The following FPR1 variants were observed in gnomAD, a reference collection of about 807,000 sequenced individuals.
FPR1 encodes formyl peptide receptor 1.
For missense variants in FPR1, 407 were observed against 453.0 expected, an observed-to-expected ratio of 0.90 and a Z score of 0.92; for synonymous variants, 193 against 176.7, an observed-to-expected ratio of 1.09 and a Z score of -0.73.
At chr19:51,747,977 C>CAAA (rs768468376) in intron 1 of FPR1, among the ~76,000 whole-genome samples, 1 of 150,328 alleles carries the variant, frequency 6.7e-6, no homozygotes, top group African/African-American at 2.4e-5. Flanking sequence ...TCATCTCTAA[C>CAAA]AACAACAACA....
rs78488639 is a variant in FPR1 at position 51,746,706 on chromosome 19, G to A, written c.289C>T (p.Leu97=). 13 of 1,614,134 alleles carry A rather than the reference G, an allele frequency of 8.1e-6. No homozygotes were observed. The highest frequency in any genetic ancestry group is 3.3e-5 in the South Asian group (3 of 91,082). Residue 97 remains leucine, a synonymous_variant, in exon 2 of 2, where the codon CTG becomes TTG. Transcript: ENST00000304748. The surrounding 1 kb of genome is among the most constrained non-coding windows in gnomAD (Gnocchi z 4.3). ...MGGHWPFGWF[L]CKFVFTIVDI... is the part of the protein sequence containing the mutation. ...ACTATGGTAAAGACGAATTTGCACA[G>A]GAACCAGCCGAAAGGCCAATGTCCT...
intron 1 of FPR1, among the ~76,000 whole-genome samples, chr19:51,749,060 CA>C: frequency 6.6e-6 from 1 of 151,970 alleles, no homozygotes; most frequent in East Asian, 1.9e-4. Context: ...ACTAAAAATA[CA>C]AAAATTAGCC....
chr19:51,746,362 G>C lies in FPR1; in HGVS notation c.633C>G (p.Ser211Arg), dbSNP rs750529946. 6.2e-7 allele frequency: 1 copy of C among 1,614,162 alleles called. No individual in the cohort carries two copies. The change falls in exon 2 of 2, where the codon AGC becomes AGG. Residue 211 changes from serine to arginine, a missense_variant. Transcript: ENST00000304748. This position sits in a 1 kb window ranked among gnomAD's most constrained non-coding sequence, Gnocchi z 4.3. Reference sequence around the variant, plus strand: ...TGACAGCAACGATGGACATGGGTGCGCTGAAGCCAATGATGAACCGGATGA... The same window carrying C: ...TGACAGCAACGATGGACATGGGTGCCCTGAAGCCAATGATGAACCGGATGA... The part of the protein sequence containing the change: ...RGIIRFIIGF[S>R]APMSIVAVSY...
Position 51,745,999 on chromosome 19 carries a change from A to T in FPR1, c.996T>A (p.Ser332Arg). The T allele has an allele frequency of 1.2e-6, 2 of 1,614,046 alleles. No homozygotes were observed. Among genetic ancestry groups the T allele is most frequent in the Non-Finnish European group, 1.7e-6 (2 of 1,179,972 alleles). The change falls in exon 2 of 2, where the codon AGT becomes AGA. Residue 332 changes from serine (S) to arginine (R), a missense_variant. Physicochemically the swap from Ser to Arg is moderately radical, Grantham distance 110 (BLOSUM62 -1). Transcript: ENST00000304748. Reference sequence around the variant, plus strand: ...GTAAAGTAGAATTGGTAGCTGTGTCACTGGTTTGGGTTGAGTCCTCGGTCA... The same window carrying T: ...GTAAAGTAGAATTGGTAGCTGTGTCTCTGGTTTGGGTTGAGTCCTCGGTCA... Reference protein sequence around the residue: ...RALTEDSTQTSDTATNSTLPS... With the variant: ...RALTEDSTQTRDTATNSTLPS...
At chr19:51,748,144 AC>A (rs2083759745) in intron 1 of FPR1, among the ~76,000 whole-genome samples, 1 of 152,048 alleles carries the variant, frequency 6.6e-6, no homozygotes, top group South Asian at 2.1e-4. Flanking sequence ...ACAAAGCAAG[AC>A]CCTGTCTCTA....
chr19:51,748,690 A>T (rs1568638260), intron 1 of FPR1, among the ~76,000 whole-genome samples: 1 of 152,040 alleles, frequency 6.6e-6, no homozygotes, highest in Admixed American at 6.6e-5. Context: ...AAACTCCTTG[A>T]CCTCAGGTGA....
intron 1 of FPR1, chr19:51,750,107 C>A (rs1342053989): frequency 6.6e-6 from 1 of 152,186 alleles, no homozygotes; most frequent in African/African-American, 2.4e-5. Flanking sequence ...AGTCACCCAA[C>A]AGCCCAGGCT....
At position 51,746,113 on chromosome 19, in the gene FPR1, G is replaced by A; in HGVS notation, c.882C>T (p.Ser294=). 2 of 1,614,190 alleles carry A rather than the reference G, an allele frequency of 1.2e-6. No homozygotes were observed. The highest frequency in any genetic ancestry group is 1.7e-6 in the Non-Finnish European group (2 of 1,180,042). Residue 294 remains serine, a synonymous_variant, in exon 2 of 2, where the codon AGC becomes AGT. Coordinates refer to ENST00000304748, the MANE Select transcript of FPR1 (RefSeq NM_002029.4). The surrounding 1 kb of genome is among the most constrained non-coding windows in gnomAD (Gnocchi z 4.3). Reference sequence around the variant, plus strand: ...AGACATAGAGCATGGGGTTGAGGCAGCTGTTGAAGAAGGCCAGGGCACTTG... The same window carrying A: ...AGACATAGAGCATGGGGTTGAGGCAACTGTTGAAGAAGGCCAGGGCACTTG... ...DVTSALAFFN[S]CLNPMLYVFM...
chr19:51,747,388 T>C (rs1483890230), intron 1 of FPR1, among the ~76,000 whole-genome samples: 1 of 152,048 alleles, frequency 6.6e-6, no homozygotes, highest in Non-Finnish European at 1.5e-5. Flanking sequence ...TGGCTAATTT[T>C]CGTATATTTA....
intron 1 of FPR1, among the ~76,000 whole-genome samples, chr19:51,748,872 C>A (rs563881463): frequency 9.2e-5 from 14 of 152,248 alleles, no homozygotes; most frequent in Middle Eastern, 3.4e-3. Flanking sequence ...GTCACACAAA[C>A]GTGGACTAAG....
Position 51,746,342 on chromosome 19 carries a change from G to A in FPR1, c.653C>T (p.Ala218Val). ...GGTGGCAATAAGCCCATAACTGACA[G>A]CAACGATGGACATGGGTGCGCTGAA... ...IGFSAPMSIV[A>V]VSYGLIATKI... The change falls in exon 2 of 2, where the codon GCT becomes GTT. Residue 218 changes from alanine (A) to valine (V), a missense_variant. Coordinates refer to ENST00000304748, the MANE Select transcript of FPR1 (RefSeq NM_002029.4). This position sits in a 1 kb window ranked among gnomAD's most constrained non-coding sequence, Gnocchi z 4.3. The A allele has an allele frequency of 6.2e-7, 1 of 1,614,162 alleles. No homozygotes were observed. The highest frequency in any genetic ancestry group is 1.3e-5 in the African/African-American group (1 of 75,010).
At chr19:51,748,897 A>G (rs567789261) in intron 1 of FPR1, among the ~76,000 whole-genome samples, 54 of 152,176 alleles carry the variant, frequency 3.5e-4, no homozygotes, top group Non-Finnish European at 6.5e-4. Flanking sequence ...TCTCTCACCC[A>G]TAACACTGCA....
chr19:51,745,602 A>G (rs1408594175), downstream of FPR1: 4 of 242,728 alleles, frequency 1.6e-5, no homozygotes, highest in Admixed American at 2.0e-4. Context: ...ACTACTCATC[A>G]TGATGCCAGA....
Position 51,746,050 on chromosome 19 carries a change from G to A in FPR1, c.945C>T (p.Ala315=). Reference sequence around the variant, plus strand: ...GGGCCCTCTCCAGACTGGCGGGAAGGGCGTGGATCAGCCTCTCCCGGAAGT... The same window carrying A: ...GGGCCCTCTCCAGACTGGCGGGAAGAGCGTGGATCAGCCTCTCCCGGAAGT... ...GQDFRERLIH[A]LPASLERALT... The change falls in exon 2 of 2, where the codon GCC becomes GCT. Residue 315 remains alanine, a synonymous_variant. Transcript: ENST00000304748. The surrounding 1 kb of genome is among the most constrained non-coding windows in gnomAD (Gnocchi z 4.3). 7.4e-6 allele frequency: 12 copies of A among 1,614,106 alleles called. No individual in the cohort carries two copies. Among genetic ancestry groups the A allele is most frequent in the Non-Finnish European group, 1.0e-5 (12 of 1,180,022 alleles).
chr19:51,748,234 G>A (rs955638086), intron 1 of FPR1, among the ~76,000 whole-genome samples: 1 of 152,196 alleles, frequency 6.6e-6, no homozygotes, highest in African/African-American at 2.4e-5. Flanking sequence ...GTCACATTTT[G>A]TATGATTCCA....
In FPR1 at chr19:51,746,338, G is replaced by T; in HGVS notation, c.657C>A (p.Val219=). The change falls in exon 2 of 2, where the codon GTC becomes GTA. Residue 219 remains valine (V), a synonymous_variant. Transcript: ENST00000304748. This position sits in a 1 kb window ranked among gnomAD's most constrained non-coding sequence, Gnocchi z 4.3. ...TCTTGGTGGCAATAAGCCCATAACTGACAGCAACGATGGACATGGGTGCGC... is the reference window on the plus strand; with the variant it reads ...TCTTGGTGGCAATAAGCCCATAACTTACAGCAACGATGGACATGGGTGCGC... ...GFSAPMSIVA[V]SYGLIATKIH... 1.2e-6 allele frequency: 2 copies of T among 1,612,474 alleles called. No homozygotes were observed. Among genetic ancestry groups the T allele is most frequent in the South Asian group, 1.1e-5 (1 of 90,994 alleles).
Position 51,746,816 on chromosome 19 carries a change from G to A in FPR1, c.179C>T (p.Thr60Ile). 6.2e-7 allele frequency: 1 copy of A among 1,614,158 alleles called. No individual in the cohort carries two copies. Among genetic ancestry groups the A allele is most frequent in the Non-Finnish European group, 8.5e-7 (1 of 1,180,024 alleles). ...GGCCAGGTTCAGGTAACTGATGGTG[G>A]TGACTGTGTGTGTCATCCGGAATCC... is the stretch of plus-strand genomic sequence containing the variant. ...VAGFRMTHTV[T>I]TISYLNLAVA... The change falls in exon 2 of 2, where the codon ACC becomes ATC. Residue 60 changes from threonine (T) to isoleucine (I), a missense_variant. By Grantham distance (89) the Thr-to-Ile change is moderately conservative (BLOSUM62 -1). Transcript: ENST00000304748. This position sits in a 1 kb window ranked among gnomAD's most constrained non-coding sequence, Gnocchi z 4.3.
At chr19:51,751,199 C>A (rs565855208) in intron 1 of FPR1, among the ~76,000 whole-genome samples, 2 of 152,214 alleles carry the variant, frequency 1.3e-5, no homozygotes, top group African/African-American at 4.8e-5. Context: ...TCTCTGTAAC[C>A]AGAAAACAAG....
At chr19:51,747,567 T>A (rs542702375) in intron 1 of FPR1, among the ~76,000 whole-genome samples, 41 of 152,098 alleles carry the variant, frequency 2.7e-4, no homozygotes, top group Non-Finnish European at 5.1e-4. Context: ...TGCAAGCCCC[T>A]ACCAGGGAGA....
Sources: allele counts gnomAD v4.1 joint callset (sites outside exome capture counted in the v4.1 genomes callset), GRCh38; gene constraint gnomAD v4.1.1; non-coding constraint Gnocchi (gnomAD v3.1); transcripts MANE v1.5; gene names NCBI Gene and HGNC (gene_info 2026-07-23, HGNC 2026-07-21).